IGF1R: variants seen among roughly 807,000 people sequenced by gnomAD.
IGF1R encodes insulin like growth factor 1 receptor, also known as insulin-like growth factor 1 receptor.
IGF1R carries 44 observed loss-of-function variants against 144.6 expected under a neutral mutation model. The observed-to-expected ratio is 0.30, with a 90% CI of 0.24 to 0.39. IGF1R has a LOEUF of 0.39. Among genes scored for constraint, IGF1R ranks in the 10% least tolerant of loss-of-function variants. The pLI is 1.00. For synonymous variants in IGF1R, 795 were observed against 722.8 expected, an observed-to-expected ratio of 1.10 and a Z score of -1.60; for missense variants, 1,355 against 1,833.7, an observed-to-expected ratio of 0.74 and a Z score of 4.77.
At chr15:98,851,207 C>T (rs957029697) in intron 2 of IGF1R, among the ~76,000 whole-genome samples, 1 of 152,126 alleles carries the variant, frequency 6.6e-6, no homozygotes, top group Non-Finnish European at 1.5e-5. Flanking sequence ...GGCTGAGGAA[C>T]GGATGCTTGG....
rs770004826 is a variant in IGF1R at position 98,934,916 on chromosome 15, G to A, written c.3049G>A (p.Val1017Ile). The change falls in exon 16 of 21, where the codon GTT (valine) becomes ATT (isoleucine). Residue 1017 changes from valine (V) to isoleucine (I), a missense_variant. By Grantham distance (29) the Val-to-Ile change is conservative. Transcript: ENST00000650285. ...GTCGTTTGGGATGGTCTATGAAGGAGTTGCCAAGGGTGTGGTGAAAGATGA... is the reference window on the plus strand; with the variant it reads ...GTCGTTTGGGATGGTCTATGAAGGAATTGCCAAGGGTGTGGTGAAAGATGA... ...QGSFGMVYEG[V>I]AKGVVKDEPE... is the part of the protein sequence containing the mutation. The A allele has an allele frequency of 2.5e-6, 4 of 1,614,024 alleles. No individual in the cohort carries two copies.
intron 15 of IGF1R, among the ~76,000 whole-genome samples, chr15:98,931,188 C>T (rs2015926249): frequency 6.6e-6 from 1 of 152,100 alleles, no homozygotes; most frequent in Non-Finnish European, 1.5e-5. Context: ...GCTGTGAGGT[C>T]CCCCGGGCAG....
intron 2 of IGF1R, among the ~76,000 whole-genome samples, chr15:98,735,742 A>G (rs568112366): frequency 6.6e-6 from 1 of 152,374 alleles, no homozygotes; most frequent in East Asian, 1.9e-4. Flanking sequence ...GAGCTACTTC[A>G]AAGAGCAAAC....
Position 98,665,426 on chromosome 15 carries a change from G to A in IGF1R, c.94+15751G>A, listed in dbSNP as rs2052713091. Among the ~76,000 whole-genome samples, 3 of 152,088 alleles carry A rather than the reference G, an allele frequency of 2.0e-5. No homozygotes were observed. In the South Asian group the frequency reaches 6.2e-4, roughly 32 times the overall value. On this transcript the variant is annotated intron_variant, in intron 1 of 20. Transcript: ENST00000650285. ...ATTCCAAGGCCCTTTTGAGGCCATGGTGATGGATCATTTGCGTTATCAATG... is the reference window on the plus strand; with the variant it reads ...ATTCCAAGGCCCTTTTGAGGCCATGATGATGGATCATTTGCGTTATCAATG...
In IGF1R at chr15:98,963,076, C is replaced by T. The variant is rs2017287034; in HGVS notation, c.*5634C>T. 1 of 233,532 alleles carries T rather than the reference C, an allele frequency of 4.3e-6. No individual in the cohort carries two copies. The highest frequency in any genetic ancestry group is 6.0e-5 in the East Asian group (1 of 16,568). 14.5% of individuals were successfully genotyped at this position (233,532 alleles called of 1,614,324 possible). A position where few individuals can be genotyped will look rare whatever the true frequency, so the allele number is the denominator to read the frequency against. On this transcript the variant is annotated 3_prime_UTR_variant, in exon 21 of 21. Coordinates refer to ENST00000650285, the MANE Select transcript of IGF1R (RefSeq NM_000875.5). ...AGTCAGTTGACGAAGATCTGGTTTA[C>T]AAGAACTAATTAAATGTTTCATTGC...
intron 2 of IGF1R, among the ~76,000 whole-genome samples, chr15:98,719,265 G>C (rs761806811): frequency 6.6e-6 from 1 of 152,150 alleles, no homozygotes; most frequent in Non-Finnish European, 1.5e-5. Flanking sequence ...GTGTGTGTCT[G>C]GTTCTAACTC....
At chr15:98,760,098 G>A (rs1458885668) in intron 2 of IGF1R, among the ~76,000 whole-genome samples, 2 of 152,050 alleles carry the variant, frequency 1.3e-5, no homozygotes, top group Non-Finnish European at 1.5e-5. Flanking sequence ...CCAGCACTTT[G>A]GGAGGCCACG....
In IGF1R at chr15:98,657,023, A is replaced by C. The variant is rs543500152; in HGVS notation, c.94+7348A>C. Reference sequence around the variant, plus strand: ...TTAGAGCATAAATATTTTATAGAGCATAACTTGAAATTTTTCCTGATACAT... The same window carrying C: ...TTAGAGCATAAATATTTTATAGAGCCTAACTTGAAATTTTTCCTGATACAT... On this transcript the variant is annotated intron_variant, in intron 1 of 20. Coordinates refer to ENST00000650285, the MANE Select transcript of IGF1R (RefSeq NM_000875.5). Among the ~76,000 whole-genome samples, 5 of 152,352 alleles carry C rather than the reference A, an allele frequency of 3.3e-5. No homozygotes were observed. The South Asian group carries it at 1.0e-3, about 32-fold the overall frequency.
intron 17 of IGF1R, among the ~76,000 whole-genome samples, chr15:98,936,612 T>G (rs1169602760): frequency 6.9e-6 from 1 of 144,520 alleles, no homozygotes; most frequent in Non-Finnish European, 1.5e-5. Flanking sequence ...CATTTGGGCT[T>G]AATTTTTTTT....
At chr15:98,706,827 GT>G (rs11418145) in intron 1 of IGF1R, among the ~76,000 whole-genome samples, 50 of 147,400 alleles carry the variant, frequency 3.4e-4, no homozygotes, top group Admixed American at 1.0e-3. Flanking sequence ...ATTTTTACTG[GT>G]TTTTTTTTTT....
At position 98,929,639 on chromosome 15, in the gene IGF1R, T is replaced by C. The variant is rs770757976; in HGVS notation, c.2864T>C (p.Leu955Pro). 10 of 1,613,584 alleles carry C rather than the reference T, an allele frequency of 6.2e-6. No individual in the cohort carries two copies. Among genetic ancestry groups the C allele is most frequent in the Admixed American group, 1.7e-5 (1 of 60,002 alleles). Residue 955 changes from leucine (L) to proline (P), a missense_variant, in exon 14 of 21, where the codon CTG becomes CCG. By Grantham distance (98) the Leu-to-Pro change is moderately conservative. Transcript: ENST00000650285. ...LLIVGGLVIM[L>P]YVFHRKRNNS... ...ATCGTGGGAGGGTTGGTGATTATGC[T>C]GTACGTCTTCCATAGAAAGAGGTCA...
chr15:98,929,432 T>C (rs1027045455), intron 13 of IGF1R, 126 bp from the exon 14 acceptor site: 6 of 758,108 alleles, frequency 7.9e-6, no homozygotes, highest in Non-Finnish European at 1.4e-5. Flanking sequence ...CAGGAATTCT[T>C]ACTGTATGAT....
intron 2 of IGF1R, among the ~76,000 whole-genome samples, chr15:98,764,610 A>G (rs1345924662): frequency 6.6e-6 from 1 of 152,242 alleles, no homozygotes; most frequent in Non-Finnish European, 1.5e-5. Flanking sequence ...TAAATAATAG[A>G]AAATATTAAA....
At chr15:98,778,017 G>A (rs1007758117) in intron 2 of IGF1R, among the ~76,000 whole-genome samples, 1 of 152,216 alleles carries the variant, frequency 6.6e-6, no homozygotes, top group Non-Finnish European at 1.5e-5. Context: ...AGCACCTACT[G>A]CATGACAGAG....
chr15:98,725,835 G>A (rs2054345626), intron 2 of IGF1R, among the ~76,000 whole-genome samples: 2 of 152,234 alleles, frequency 1.3e-5, no homozygotes, highest in Admixed American at 1.3e-4. Context: ...GGCAGCAAGA[G>A]AAAATGTGGA....
Position 98,957,286 on chromosome 15 carries a change from G to T in IGF1R, c.3948G>T (p.Leu1316=), listed in dbSNP as rs1281147739. Residue 1316 remains leucine (L), a synonymous_variant, in exon 21 of 21, where the codon CTG becomes CTT. Transcript: ENST00000650285. The part of the protein sequence containing the change: ...DPSASSSSLP[L]PDRHSGHKAE... ...CGGCCTCCTCGTCCTCCCTGCCACT[G>T]CCCGACAGACACTCAGGACACAAGG... 2 of 1,613,914 alleles carry T rather than the reference G, an allele frequency of 1.2e-6. No homozygotes were observed. Among genetic ancestry groups the T allele is most frequent in the Non-Finnish European group, 1.7e-6 (2 of 1,179,878 alleles).
chr15:98,899,718 T>TA (rs2014382411), intron 5 of IGF1R, 97 bp downstream of exon 5: 6 of 1,273,414 alleles, frequency 4.7e-6, no homozygotes, highest in East Asian at 2.3e-5. Context: ...CCCTGCCTTG[T>TA]TAAAGAGAAG....
chr15:98,690,940 G>A (rs1317742237), intron 1 of IGF1R, among the ~76,000 whole-genome samples: 1 of 152,196 alleles, frequency 6.6e-6, no homozygotes, highest in Non-Finnish European at 1.5e-5. Context: ...ACATGCTCAT[G>A]CATACTCACT....
chr15:98,891,733 C>A lies in IGF1R; in HGVS notation c.953+96C>A. ...CTCTGTCGGTTGTTTCATCCGGGTG[C>A]AGCCCTCAGGAAGTTCACTGAGGTG... On this transcript the variant is annotated intron_variant, in intron 3 of 20. Coordinates refer to ENST00000650285, the MANE Select transcript of IGF1R (RefSeq NM_000875.5). This position sits in a 1 kb window ranked among gnomAD's most constrained non-coding sequence, Gnocchi z 4.7. 7.9e-7 allele frequency: 1 copy of A among 1,264,718 alleles called. No homozygotes were observed. Among genetic ancestry groups the A allele is most frequent in the Non-Finnish European group, 1.1e-6 (1 of 897,824 alleles). The allele number at this position is 1,264,718 out of a possible 1,614,324, so 78.3% of individuals were successfully genotyped here.
Sources: gnomAD v4.1 joint callset for allele counts (sites outside exome capture counted in the v4.1 genomes callset) on GRCh38, gnomAD v4.1.1 for gene constraint, Gnocchi (gnomAD v3.1) non-coding constraint, MANE v1.5 for transcripts, NCBI Gene and HGNC (gene_info 2026-07-23, HGNC 2026-07-21) for gene names.